The following CDHR2 variants were observed in gnomAD, a reference collection of about 807,000 sequenced individuals.
CDHR2 encodes the protein cadherin-related family member 2.
CDHR2 carries 104 observed loss-of-function variants against 138.6 expected under a neutral mutation model. The observed-to-expected ratio is 0.75, with a 90% confidence interval of 0.64 to 0.88. CDHR2 has a LOEUF of 0.88. Ranked by LOEUF, CDHR2 falls within the 40% of genes least tolerant of loss-of-function variation. CDHR2 has a pLI of 0.00. For missense variants in CDHR2, 1,624 were observed against 1,727.6 expected, an observed-to-expected ratio of 0.94 and a Z score of 1.06; for synonymous variants, 755 against 742.8, an observed-to-expected ratio of 1.02 and a Z score of -0.27.
chr5:176,564,532 G>T (rs1223608594), intron 1 of CDHR2, among the ~76,000 whole-genome samples: 1 of 152,190 alleles, frequency 6.6e-6, no homozygotes, highest in East Asian at 1.9e-4. Context: ...AGGTCTCTCT[G>T]TGACAGTGAA....
chr5:176,592,531 T>TGGG (rs1335644819), intron 30 of CDHR2, among the ~76,000 whole-genome samples, 192 bp from the exon 31 acceptor site: 1 of 148,368 alleles, frequency 6.7e-6, no homozygotes, highest in African/African-American at 2.5e-5. Flanking sequence ...GTGGTGGTGG[T>TGGG]GTTGGTGTTG....
At chr5:176,546,272 C>T (rs568986594), upstream of CDHR2, among the ~76,000 whole-genome samples, 10 of 152,220 alleles carry the variant, frequency 6.6e-5, no homozygotes, top group East Asian at 9.6e-4. Flanking sequence ...TCTGTAATCT[C>T]GGGTGGTGAT....
In CDHR2 at chr5:176,591,454, T is replaced by A. The variant is rs758907229; in HGVS notation, c.3704T>A (p.Leu1235His). The change falls in exon 30 of 32, where the codon CTC becomes CAC. Residue 1235 changes from leucine to histidine, a missense_variant. Around this residue, in one of 3 missense-constraint regions of CDHR2, gnomAD observed 556 missense variants for 565.7 expected, o/e 0.98. Transcript: ENST00000261944. Reference protein sequence around the residue: ...LPNKDLGLEYLSPSNDLDSVS... With the variant: ...LPNKDLGLEYHSPSNDLDSVS... ...AACAAAGACCTGGGCTTGGAGTACC[T>A]CTCTCCCTCCAATGACCTGGACTCT... 12 of 1,613,778 alleles carry A rather than the reference T, an allele frequency of 7.4e-6. No individual in the cohort carries two copies. Among genetic ancestry groups the A allele is most frequent in the Non-Finnish European group, 1.7e-6 (2 of 1,179,884 alleles).
chr5:176,543,882 G>A lies in CDHR2; in HGVS notation c.-16+1113G>A, dbSNP rs1188837086. ...ACGAGGCGGCCGGCCGAGACATCGGGAGGGATTACGTTCCCCGCAACCCCT... is the reference window on the plus strand; with the variant it reads ...ACGAGGCGGCCGGCCGAGACATCGGAAGGGATTACGTTCCCCGCAACCCCT... On this transcript the variant is annotated intron_variant, in intron 1 of 31. Transcript: ENST00000510636. This position sits in a 1 kb window ranked among gnomAD's most constrained non-coding sequence, Gnocchi z 4.0. Among the ~76,000 whole-genome samples the A allele has an allele frequency of 6.6e-6, 1 of 152,224 alleles. No homozygotes were observed. Among genetic ancestry groups the A allele is most frequent in the African/African-American group, 2.4e-5 (1 of 41,464 alleles).
chr5:176,575,046 G>T (rs1295428498), intron 7 of CDHR2, 38 bp from the exon 8 acceptor site: 1 of 1,612,222 alleles, frequency 6.2e-7, no homozygotes, highest in Admixed American at 1.7e-5. Context: ...GTGCAGGGCT[G>T]TCCCTAGGGA....
chr5:176,574,559 C>T (rs1758318594), intron 7 of CDHR2, among the ~76,000 whole-genome samples: 1 of 152,216 alleles, frequency 6.6e-6, no homozygotes, highest in South Asian at 2.1e-4. Context: ...GGACTTGGCT[C>T]CAGGATCCCT....
chr5:176,583,396 T>C (rs141465866), intron 17 of CDHR2, among the ~76,000 whole-genome samples: 1 of 152,332 alleles, frequency 6.6e-6, no homozygotes, highest in African/African-American at 2.4e-5. Flanking sequence ...AGAAAAGACA[T>C]CTAGCTAAGG....
chr5:176,571,251 C>T lies in CDHR2; in HGVS notation c.354C>T (p.Asn118=), dbSNP rs1372675276. The change falls in exon 6 of 32, where the codon AAC becomes AAT. Residue 118 remains asparagine, a synonymous_variant. Coordinates refer to ENST00000261944, the MANE Select transcript of CDHR2 (RefSeq NM_017675.6). ...REMLVIVEDR[N]DNAPVFQNTA... is the part of the protein sequence containing the mutation. ...TGCTGGTGATTGTGGAAGATAGAAA[C>T]GACAACGCACCCGTTTTCCAGAACA... 9.3e-6 allele frequency: 15 copies of T among 1,612,492 alleles called. No homozygotes were observed. The Middle Eastern group carries it at 6.8e-4, about 73-fold the overall frequency.
intron 28 of CDHR2, among the ~76,000 whole-genome samples, 163 bp downstream of exon 28, chr5:176,590,850 G>A (rs1758826975): frequency 6.6e-6 from 1 of 152,090 alleles, no homozygotes; most frequent in Non-Finnish European, 1.5e-5. Flanking sequence ...TCCCCTCCAC[G>A]GGCCTCAGTT....
At chr5:176,573,981 A>G (rs1758294594) in intron 6 of CDHR2, 102 bp from the exon 7 acceptor site, 1 of 881,536 alleles carries the variant, frequency 1.1e-6, no homozygotes, top group South Asian at 1.5e-5. Flanking sequence ...CCCTGTCCCC[A>G]TGAGTGCACA....
Position 176,590,291 on chromosome 5 carries a change from T to A in CDHR2, c.3314T>A (p.Phe1105Tyr). The change falls in exon 26 of 32, where the codon TTC becomes TAC. Residue 1105 changes from phenylalanine to tyrosine, a missense_variant. Phe to Tyr is a conservative substitution (Grantham distance 22, BLOSUM62 3). This residue lies in a region of CDHR2 where 556 missense variants were observed against 565.7 expected (regional missense o/e 0.98). Coordinates refer to ENST00000261944, the MANE Select transcript of CDHR2 (RefSeq NM_017675.6). Reference protein sequence around the residue: ...PHSYLDAYFVFPNGSALTLDE... With the variant: ...PHSYLDAYFVYPNGSALTLDE... ...TCCTACCTCGATGCCTACTTTGTCT[T>A]CCCCAATGGGTCAGCCCTGACCCTT... is the stretch of plus-strand genomic sequence containing the variant. 3.1e-6 allele frequency: 5 copies of A among 1,614,110 alleles called. No individual in the cohort carries two copies. Among genetic ancestry groups the A allele is most frequent in the Non-Finnish European group, 3.4e-6 (4 of 1,180,014 alleles).
At chr5:176,567,303 G>A (rs1446689979) in intron 3 of CDHR2, among the ~76,000 whole-genome samples, 3 of 151,802 alleles carry the variant, frequency 2.0e-5, no homozygotes, top group Non-Finnish European at 2.9e-5. Context: ...AGGTGGCTGG[G>A]ACTACAGGCA....
intron 5 of CDHR2, among the ~76,000 whole-genome samples, chr5:176,570,180 T>G (rs1429549863): frequency 6.6e-6 from 1 of 152,104 alleles, no homozygotes; most frequent in Admixed American, 6.6e-5. Context: ...AGCTTAGAGC[T>G]CTCTCTGGGT....
chr5:176,585,796 G>A (rs1758647728), intron 19 of CDHR2, among the ~76,000 whole-genome samples, 158 bp from the exon 20 acceptor site: 1 of 151,782 alleles, frequency 6.6e-6, no homozygotes, highest in African/African-American at 2.4e-5. Context: ...AGGCTGCGGG[G>A]CACGGGGTTG....
chr5:176,565,465 C>A, intron 2 of CDHR2, 61 bp downstream of exon 2: 1 of 1,512,732 alleles, frequency 6.6e-7, no homozygotes. Flanking sequence ...CAGGACCCTC[C>A]AGAAAGGAGG....
intron 6 of CDHR2, 135 bp downstream of exon 6, chr5:176,571,437 C>T (rs1226099927): frequency 1.9e-6 from 1 of 530,966 alleles, no homozygotes; most frequent in Non-Finnish European, 3.2e-6. Flanking sequence ...CTTCAAGAAC[C>T]AAAGCCAGGG....
At chr5:176,567,968 G>A (rs11739641) in intron 3 of CDHR2, among the ~76,000 whole-genome samples, 91,342 of 152,172 alleles carry the variant, frequency 0.6, 29,636 homozygotes, top group Non-Finnish European at 0.74. Flanking sequence ...TGTGGGCCAC[G>A]AAAGTATCAG....
rs1295593042 is a variant in CDHR2 at position 176,574,128 on chromosome 5, A to G, written c.451A>G (p.Lys151Glu). The G allele has an allele frequency of 3.1e-6, 5 of 1,614,060 alleles. No individual in the cohort carries two copies. In the Middle Eastern group the frequency reaches 5.0e-4, roughly 160 times the overall value. ...GGTGTTCTCCGTGCTGGCCGTGGAT[A>G]AAGACATGGGGTCTGCAGGCATGGT... ...SVVFSVLAVD[K>E]DMGSAGMVVY... The change falls in exon 7 of 32, where the codon AAA becomes GAA. Residue 151 changes from lysine to glutamate, a missense_variant. By Grantham distance (56) the Lys-to-Glu change is moderately conservative. This residue lies in a region of CDHR2 where 1,061 missense variants were observed against 1,136.6 expected (regional missense o/e 0.93). Transcript: ENST00000261944.
rs998210373 is a variant in CDHR2 at position 176,577,469 on chromosome 5, G to A, written c.1265G>A (p.Arg422Gln). The A allele has an allele frequency of 1.1e-5, 18 of 1,610,444 alleles. No individual in the cohort carries two copies. The highest frequency in any genetic ancestry group is 1.6e-4 in the Middle Eastern group (1 of 6,076). ...GAAGCCTTCAGCGTCTCCCCGGAGC[G>A]GGCAGTGGGCTCAGCCTCCGTTCAG... ...DAEAFSVSPE[R>Q]AVGSASVQVL... is the part of the protein sequence containing the mutation. Residue 422 changes from arginine to glutamine, a missense_variant, in exon 13 of 32, where the codon CGG (arginine) becomes CAG (glutamine). This residue lies in a region of CDHR2 where 1,061 missense variants were observed against 1,136.6 expected (regional missense o/e 0.93). Transcript: ENST00000261944.
Sources: gnomAD v4.1 joint callset for allele counts (sites outside exome capture counted in the v4.1 genomes callset) on GRCh38, gnomAD v4.1.1 for gene constraint, gnomAD v4.1.1 regional missense constraint, Gnocchi (gnomAD v3.1) non-coding constraint, MANE v1.5 for transcripts, NCBI Gene and HGNC (gene_info 2026-07-23, HGNC 2026-07-21) for gene names.